Variants in CTSS observed in about 807,000 individuals in gnomAD.
The protein encoded by CTSS is cathepsin S.
A neutral mutation model predicts 39.9 loss-of-function variants in CTSS; 15 were observed. That is an observed-to-expected ratio of 0.38 (90% CI 0.25 to 0.58). The LOEUF is 0.58. Ranked by LOEUF, CTSS falls within the 20% of genes least tolerant of loss-of-function variation. The pLI is 0.70. For missense variants in CTSS, 250 were observed against 398.2 expected, an observed-to-expected ratio of 0.63 and a Z score of 3.17; for synonymous variants, 126 against 138.2, an observed-to-expected ratio of 0.91 and a Z score of 0.62.
intron 7 of CTSS, among the ~76,000 whole-genome samples, chr1:150,734,196 T>A (rs1191803099): frequency 6.6e-6 from 1 of 151,900 alleles, no homozygotes; most frequent in Non-Finnish European, 1.5e-5. Context: ...GACGGCTAAT[T>A]TTGTATTTTT....
At chr1:150,749,902 A>T in intron 6 of CTSS, 104 bp downstream of exon 6, 2 of 941,212 alleles carry the variant, frequency 2.1e-6, no homozygotes, top group Non-Finnish European at 3.1e-6. Flanking sequence ...CAATCCTCCC[A>T]CCTCAGCCTC....
At chr1:150,734,704 A>C (rs1652597850) in intron 7 of CTSS, among the ~76,000 whole-genome samples, 1 of 152,188 alleles carries the variant, frequency 6.6e-6, no homozygotes. Context: ...GTAAAAGAAA[A>C]TACATTTTAA....
At chr1:150,733,303 G>C (rs1652564568) in intron 7 of CTSS, among the ~76,000 whole-genome samples, 158 bp from the exon 8 acceptor site, 1 of 152,140 alleles carries the variant, frequency 6.6e-6, no homozygotes, top group Non-Finnish European at 1.5e-5. Context: ...AGGGATTTCA[G>C]GTAACTCAAA....
intron 7 of CTSS, among the ~76,000 whole-genome samples, chr1:150,747,394 T>G (rs1652912762): frequency 6.6e-6 from 1 of 152,068 alleles, no homozygotes; most frequent in Non-Finnish European, 1.5e-5. Context: ...CATATAAAGG[T>G]TATAGCTAGA....
At chr1:150,752,112 G>C (rs1013672075) in intron 4 of CTSS, 104 bp from the exon 5 acceptor site, 1 of 1,173,534 alleles carries the variant, frequency 8.5e-7, no homozygotes, top group African/African-American at 1.5e-5. Context: ...TCTGTCCCTA[G>C]TTCCCAGAAA....
At chr1:150,744,579 AT>A (rs1652851276) in intron 7 of CTSS, among the ~76,000 whole-genome samples, 2 of 106,304 alleles carry the variant, frequency 1.9e-5, no homozygotes, top group East Asian at 3.5e-4. Flanking sequence ...TACATAATAT[AT>A]TATATATTAT....
rs936117163 is a variant in CTSS at position 150,731,870 on chromosome 1, A to T, written c.*1176T>A. 1.3e-5 allele frequency: 2 copies of T among 152,200 alleles called. No individual in the cohort carries two copies. Among genetic ancestry groups the T allele is most frequent in the African/African-American group, 4.8e-5 (2 of 41,450 alleles). The allele number at this position is 152,200 out of a possible 1,614,324, so 9.4% of individuals were successfully genotyped here. ...AATTCTTCCAAAGTGCTTGTCTTTT[A>T]TGCATTTCTTTACTTTAACATAATA... is the stretch of plus-strand genomic sequence containing the variant. On this transcript the variant is annotated 3_prime_UTR_variant, in exon 8 of 8. Coordinates refer to ENST00000368985, the MANE Select transcript of CTSS (RefSeq NM_004079.5).
intron 3 of CTSS, 88 bp downstream of exon 3, chr1:150,757,770 T>C: frequency 7.2e-7 from 1 of 1,383,584 alleles, no homozygotes. Context: ...TTTGTTATTG[T>C]TGTTTACCTT....
rs587636456 is a variant in CTSS at position 150,762,799 on chromosome 1, G to T, written c.126+1839C>A. Among the ~76,000 whole-genome samples the T allele has an allele frequency of 3.3e-5, 5 of 152,196 alleles. No individual in the cohort carries two copies. The East Asian group carries it at 9.6e-4, about 29-fold the overall frequency. ...GTGTTGGTGAGGATGTGGAGAAAAG[G>T]GAACCCTCATACACTTTTAGTAGGA... On this transcript the variant is annotated intron_variant, in intron 2 of 7. Coordinates refer to ENST00000368985, the MANE Select transcript of CTSS (RefSeq NM_004079.5).
At chr1:150,746,221 C>T (rs1652892996) in intron 7 of CTSS, among the ~76,000 whole-genome samples, 1 of 152,120 alleles carries the variant, frequency 6.6e-6, no homozygotes, top group South Asian at 2.1e-4. Context: ...AACTGGGAGA[C>T]ATAAATTTCT....
intron 3 of CTSS, 81 bp from the exon 4 acceptor site, chr1:150,755,231 T>C (rs1653096010): frequency 6.8e-7 from 1 of 1,467,344 alleles, no homozygotes; most frequent in Middle Eastern, 1.8e-4. Flanking sequence ...GATTTTGTCA[T>C]TGTGAAAACA....
At chr1:150,761,046 G>C (rs1205862695) in intron 2 of CTSS, among the ~76,000 whole-genome samples, 1 of 151,960 alleles carries the variant, frequency 6.6e-6, no homozygotes, top group Non-Finnish European at 1.5e-5. Context: ...AGGTGTGGTG[G>C]CGTGTGCCGG....
intron 6 of CTSS, 103 bp downstream of exon 6, chr1:150,749,903 C>A (rs1652975213): frequency 5.0e-6 from 5 of 994,718 alleles, no homozygotes; most frequent in Middle Eastern, 3.0e-4. Flanking sequence ...AATCCTCCCA[C>A]CTCAGCCTCC....
chr1:150,759,726 C>A (rs1653214035), intron 2 of CTSS, among the ~76,000 whole-genome samples: 1 of 152,028 alleles, frequency 6.6e-6, no homozygotes, highest in Non-Finnish European at 1.5e-5. Flanking sequence ...ACATAGAATA[C>A]AATGATGTAG....
intron 7 of CTSS, among the ~76,000 whole-genome samples, chr1:150,740,169 T>G (rs1332541347): frequency 6.6e-6 from 1 of 152,216 alleles, no homozygotes; most frequent in Non-Finnish European, 1.5e-5. Context: ...AGTTTACATT[T>G]TAGTGAATGG....
intron 7 of CTSS, among the ~76,000 whole-genome samples, chr1:150,734,850 G>C (rs1232550089): frequency 1.3e-5 from 2 of 152,012 alleles, no homozygotes; most frequent in Non-Finnish European, 2.9e-5. Context: ...AAAAAACTTA[G>C]AAAATCCTTG....
At chr1:150,735,952 G>A (rs1652627271) in intron 7 of CTSS, among the ~76,000 whole-genome samples, 2 of 151,916 alleles carry the variant, frequency 1.3e-5, no homozygotes, top group Admixed American at 6.6e-5. Context: ...TAGAGATGGG[G>A]TTTTACCGTG....
At chr1:150,757,056 A>G (rs1214151575) in intron 3 of CTSS, among the ~76,000 whole-genome samples, 1 of 152,150 alleles carries the variant, frequency 6.6e-6, no homozygotes, top group Non-Finnish European at 1.5e-5. Flanking sequence ...AACTGTGAAT[A>G]TATTTAAAAA....
intron 5 of CTSS, among the ~76,000 whole-genome samples, chr1:150,751,200 C>A (rs1010547927): frequency 5.3e-5 from 8 of 151,942 alleles, no homozygotes; most frequent in Admixed American, 3.3e-4. Context: ...TGGGAGGCTG[C>A]AGAAGAAAAA....
Sources: gnomAD v4.1 joint callset for allele counts (sites outside exome capture counted in the v4.1 genomes callset) on GRCh38, gnomAD v4.1.1 for gene constraint, MANE v1.5 for transcripts, NCBI Gene and HGNC (gene_info 2026-07-23, HGNC 2026-07-21) for gene names.